Variants in AKAP8L observed in about 807,000 individuals in gnomAD.
AKAP8L encodes A-kinase anchor protein 8-like.
AKAP8L carries 34 observed loss-of-function variants against 77.5 expected under a neutral mutation model. That is an observed-to-expected ratio of 0.44 (90% CI 0.33 to 0.58). AKAP8L has a LOEUF of 0.58. Ranked by LOEUF, AKAP8L falls within the 20% of genes least tolerant of loss-of-function variation. AKAP8L has a pLI of 0.02. For missense variants in AKAP8L, 806 were observed against 887.6 expected (o/e 0.91, Z 1.17); for synonymous variants, 342 against 340.7 (o/e 1.00, Z -0.04).
intron 1 of AKAP8L, among the ~76,000 whole-genome samples, chr19:15,413,310 T>C (rs527801338): frequency 6.6e-6 from 1 of 152,370 alleles, no homozygotes; most frequent in Admixed American, 6.5e-5. Flanking sequence ...TCCTACTTAG[T>C]GCAGAATTAA....
chr19:15,391,703 T>C (rs1967666801), intron 12 of AKAP8L, among the ~76,000 whole-genome samples: 4 of 151,636 alleles, frequency 2.6e-5, no homozygotes, highest in African/African-American at 9.7e-5. Context: ...CACACCTGGC[T>C]AATTTTTTGT....
intron 12 of AKAP8L, among the ~76,000 whole-genome samples, chr19:15,384,952 G>A (rs1205763446): frequency 6.6e-6 from 1 of 151,110 alleles, no homozygotes; most frequent in Non-Finnish European, 1.5e-5. Context: ...CTCACTGCGA[G>A]CTCCGCCTCC....
chr19:15,414,581 T>TG (rs1968169580), intron 1 of AKAP8L, among the ~76,000 whole-genome samples: 1 of 150,700 alleles, frequency 6.6e-6, no homozygotes, highest in South Asian at 2.1e-4. Flanking sequence ...CTCCGCCTCC[T>TG]GGGGTCACGC....
Position 15,401,018 on chromosome 19 carries a change from C to T in AKAP8L, c.842G>A (p.Gly281Asp), listed in dbSNP as rs576372004. 1 of 1,613,832 alleles carries T rather than the reference C, an allele frequency of 6.2e-7. No homozygotes were observed. Among genetic ancestry groups the T allele is most frequent in the Non-Finnish European group, 8.5e-7 (1 of 1,179,884 alleles). The change falls in exon 6 of 14, where the codon GGC becomes GAC. Residue 281 changes from glycine (G) to aspartate (D), a missense_variant. This residue lies in a region of AKAP8L where 580 missense variants were observed against 694.1 expected (regional missense o/e 0.84). Coordinates refer to ENST00000397410, the MANE Select transcript of AKAP8L (RefSeq NM_014371.4). The surrounding 1 kb of genome is among the most constrained non-coding windows in gnomAD (Gnocchi z 6.2). ...GCTATCTGGCTCATCAGGACTGCCG[C>T]CCTGCTTTCTCTTCTTCTTCTTGGT... ...FRTKKKKRKQ[G>D]GSPDEPDSKA...
chr19:15,404,358 T>C (rs2145137572), intron 2 of AKAP8L: 1 of 341,366 alleles, frequency 2.9e-6, no homozygotes, highest in Non-Finnish European at 5.4e-6. Context: ...CCAAGCTAAG[T>C]GCTAATCAGT....
intron 1 of AKAP8L, among the ~76,000 whole-genome samples, chr19:15,413,535 A>C (rs1968146102): frequency 6.6e-6 from 1 of 152,144 alleles, no homozygotes; most frequent in Non-Finnish European, 1.5e-5. Context: ...CTAGAAATCC[A>C]TTCAAATGGA....
Position 15,397,866 on chromosome 19 carries a change from A to G in AKAP8L, c.1158-11T>C, listed in dbSNP as rs1967810076. 2.5e-6 allele frequency: 4 copies of G among 1,613,178 alleles called. No individual in the cohort carries two copies. The highest frequency in any genetic ancestry group is 3.4e-6 in the Non-Finnish European group (4 of 1,179,548). ...CACACAAACTGGATCCTGCCACAGG[A>G]AGGAAACGAGGGGCTGAGGCTGCAA... On this transcript the variant is annotated splice_polypyrimidine_tract_variant and intron_variant, in intron 9 of 13. Transcript: ENST00000397410. This position sits in a 1 kb window ranked among gnomAD's most constrained non-coding sequence, Gnocchi z 4.7.
At position 15,392,210 on chromosome 19, in the gene AKAP8L, T is replaced by A. The variant is rs542640019; in HGVS notation, c.1536+4940A>T. 4.6e-5 allele frequency among the ~76,000 whole-genome samples: 7 copies of A among 152,352 alleles called. 1 individual carries two copies. The South Asian group carries it at 1.4e-3, about 32-fold the overall frequency. ...GAGGTTGTAGGGTATAATATCAATATATTGGCTGAGCACAGTGGCTCATGC... is the reference window on the plus strand; with the variant it reads ...GAGGTTGTAGGGTATAATATCAATAAATTGGCTGAGCACAGTGGCTCATGC... On this transcript the variant is annotated intron_variant, in intron 12 of 13. Coordinates refer to ENST00000397410, the MANE Select transcript of AKAP8L (RefSeq NM_014371.4).
At position 15,399,166 on chromosome 19, in the gene AKAP8L, G is replaced by A; in HGVS notation, c.1157+136C>T. 1 of 745,276 alleles carries A rather than the reference G, an allele frequency of 1.3e-6. No homozygotes were observed. The highest frequency in any genetic ancestry group is 1.7e-5 in the South Asian group (1 of 59,330). The allele number at this position is 745,276 out of a possible 1,614,324, so 46.2% of individuals were successfully genotyped here. On this transcript the variant is annotated intron_variant, in intron 9 of 13. Coordinates refer to ENST00000397410, the MANE Select transcript of AKAP8L (RefSeq NM_014371.4). The surrounding 1 kb of genome is among the most constrained non-coding windows in gnomAD (Gnocchi z 6.1). ...GGGAGCTGGGCCTGGCGGGAAGCAG[G>A]GTCCATGCACGGCCGAGCAGGTGGC... is the stretch of plus-strand genomic sequence containing the variant.
At chr19:15,405,336 C>T (rs1967975337) in intron 2 of AKAP8L, among the ~76,000 whole-genome samples, 1 of 152,138 alleles carries the variant, frequency 6.6e-6, no homozygotes, top group African/African-American at 2.4e-5. Flanking sequence ...GAGTTTGAAA[C>T]CAGCCTGGCC....
chr19:15,414,487 T>C (rs1351042499), intron 1 of AKAP8L, among the ~76,000 whole-genome samples: 1 of 152,114 alleles, frequency 6.6e-6, no homozygotes, highest in Non-Finnish European at 1.5e-5. Flanking sequence ...ATTTCTTTTT[T>C]TTTTTGTTTG....
Position 15,397,319 on chromosome 19 carries a change from G to A in AKAP8L, c.1406-39C>T, listed in dbSNP as rs7247749. On this transcript the variant is annotated intron_variant, in intron 11 of 13. Coordinates refer to ENST00000397410, the MANE Select transcript of AKAP8L (RefSeq NM_014371.4). This position sits in a 1 kb window ranked among gnomAD's most constrained non-coding sequence, Gnocchi z 4.7. ...GAGGGAGTCACCACTGGGCCCAGGT[G>A]CCTAAGATAGACCCAGGTGTTCGAG... 1,236,575 of 1,611,054 alleles carry A rather than the reference G, an allele frequency of 0.77. 476,653 individuals carry two copies. The highest frequency in any genetic ancestry group is 0.99 in the East Asian group (44,527 of 44,822).
At chr19:15,408,211 G>A (rs1019362706) in intron 2 of AKAP8L, among the ~76,000 whole-genome samples, 1 of 152,118 alleles carries the variant, frequency 6.6e-6, no homozygotes, top group Non-Finnish European at 1.5e-5. Flanking sequence ...CAAGAGTCCA[G>A]AAATAGACCC....
chr19:15,403,038 T>G lies in AKAP8L; in HGVS notation c.362+437A>C, dbSNP rs1001218135. Among the ~76,000 whole-genome samples the G allele has an allele frequency of 1.3e-5, 2 of 152,118 alleles. No homozygotes were observed. Among genetic ancestry groups the G allele is most frequent in the African/African-American group, 2.4e-5 (1 of 41,416 alleles). On this transcript the variant is annotated intron_variant, in intron 4 of 13. Transcript: ENST00000397410. The surrounding 1 kb of genome is among the most constrained non-coding windows in gnomAD (Gnocchi z 4.3). The stretch of plus-strand genomic sequence containing the variant: ...GAAATGCCCACACCTGCCCCGACCC[T>G]TACGTGGGGGTGGCCCAGCTCGCAG...
At chr19:15,409,750 G>T (rs552282976) in intron 2 of AKAP8L, among the ~76,000 whole-genome samples, 50 of 152,242 alleles carry the variant, frequency 3.3e-4, no homozygotes, top group African/African-American at 1.2e-3. Flanking sequence ...AGCTAATTAG[G>T]TGTTTCTGTC....
Position 15,400,297 on chromosome 19 carries a change from T to A in AKAP8L, c.1046A>T (p.Lys349Met), listed in dbSNP as rs756784437. 7.4e-6 allele frequency: 12 copies of A among 1,613,790 alleles called. No individual in the cohort carries two copies. The South Asian group carries it at 1.3e-4, about 18-fold the overall frequency. The change falls in exon 8 of 14, where the codon AAG becomes ATG. Residue 349 changes from lysine to methionine, a missense_variant and splice_region_variant. This residue lies in a region of AKAP8L where 580 missense variants were observed against 694.1 expected (regional missense o/e 0.84). Transcript: ENST00000397410. ...GREEGKEDPE[K>M]GALTTQDENG... The stretch of plus-strand genomic sequence containing the variant: ...CCAGGCACCCCAGGAAAACTCACCC[T>A]TCTCTGGATCCTCTTTGCCTTCTTC...
Position 15,403,967 on chromosome 19 carries a change from C to A in AKAP8L, c.121+43G>T. 6.2e-7 allele frequency: 1 copy of A among 1,610,920 alleles called. No individual in the cohort carries two copies. The highest frequency in any genetic ancestry group is 8.5e-7 in the Non-Finnish European group (1 of 1,177,992). On this transcript the variant is annotated intron_variant, in intron 3 of 13. Coordinates refer to ENST00000397410, the MANE Select transcript of AKAP8L (RefSeq NM_014371.4). The surrounding 1 kb of genome is among the most constrained non-coding windows in gnomAD (Gnocchi z 4.3). ...CAGTGGCAGAGAAACACAGCCAGGA[C>A]AACCCCAAGGGACAGGACAGCAATC...
intron 12 of AKAP8L, among the ~76,000 whole-genome samples, chr19:15,384,354 C>T (rs1967483531): frequency 6.8e-6 from 1 of 146,010 alleles, no homozygotes; most frequent in South Asian, 2.1e-4. Context: ...GGCTGGAGTG[C>T]AATGGCGCGA....
chr19:15,414,917 G>C (rs1362001692), intron 1 of AKAP8L, among the ~76,000 whole-genome samples: 1 of 152,200 alleles, frequency 6.6e-6, no homozygotes, highest in African/African-American at 2.4e-5. Context: ...TCCTACTTCA[G>C]TCTCCTGTAT....
Sources: allele counts gnomAD v4.1 joint callset (sites outside exome capture counted in the v4.1 genomes callset), GRCh38; gene constraint gnomAD v4.1.1; regional missense constraint gnomAD v4.1.1; non-coding constraint Gnocchi (gnomAD v3.1); transcripts MANE v1.5; gene names NCBI Gene and HGNC (gene_info 2026-07-23, HGNC 2026-07-21).